The following AUTS2 variants were observed in gnomAD, a reference collection of about 807,000 sequenced individuals.
The protein encoded by AUTS2 is activator of transcription and developmental regulator AUTS2, also known as autism susceptibility gene 2 protein.
Under a neutral mutation model 112.4 loss-of-function variants are expected in AUTS2, and 17 were observed. The observed-to-expected ratio is 0.15, with a 90% CI of 0.10 to 0.23. The LOEUF (loss-of-function observed/expected upper bound fraction) is 0.23, where lower values mean the gene tolerates loss of function less well. Among genes scored for constraint, AUTS2 ranks in the 10% least tolerant of loss-of-function variants. AUTS2 has a pLI of 1.00. For missense variants in AUTS2, 1,510 were observed against 1,701.6 expected, an observed-to-expected ratio of 0.89 and a Z score of 1.98; for synonymous variants, 751 against 702.7, an observed-to-expected ratio of 1.07 and a Z score of -1.09.
At chr7:69,925,416 C>T (rs189685405) in intron 2 of AUTS2, among the ~76,000 whole-genome samples, 2 of 152,282 alleles carry the variant, frequency 1.3e-5, no homozygotes, top group Admixed American at 6.5e-5. Flanking sequence ...TTTAGCAGCA[C>T]CCCAAATATT....
intron 5 of AUTS2, among the ~76,000 whole-genome samples, chr7:70,697,564 C>CG (rs917889853): frequency 5.7e-5 from 8 of 139,576 alleles, no homozygotes; most frequent in Admixed American, 4.3e-4. Flanking sequence ...CAGAATTCCC[C>CG]CCCCCCATTT....
Position 70,033,817 on chromosome 7 carries a change from A to T in AUTS2, c.523-84315A>T, listed in dbSNP as rs1298037642. 7.9e-5 allele frequency among the ~76,000 whole-genome samples: 12 copies of T among 151,840 alleles called. No individual in the cohort carries two copies. In the South Asian group the frequency reaches 2.5e-3, roughly 32 times the overall value. On this transcript the variant is annotated intron_variant, in intron 2 of 18. Transcript: ENST00000342771. ...GGTTATTCAAAGTTGGGAGACGTGGAGGGGCGGGGAGGATAGGGAGAATTG... is the reference window on the plus strand; with the variant it reads ...GGTTATTCAAAGTTGGGAGACGTGGTGGGGCGGGGAGGATAGGGAGAATTG...
chr7:69,764,976 C>T (rs983365928), intron 1 of AUTS2, among the ~76,000 whole-genome samples: 3 of 152,060 alleles, frequency 2.0e-5, no homozygotes, highest in East Asian at 3.8e-4. Flanking sequence ...AGGCTACCCA[C>T]GTGAGTACGT....
At chr7:69,639,656 G>A (rs1378768901) in intron 1 of AUTS2, among the ~76,000 whole-genome samples, 1 of 152,194 alleles carries the variant, frequency 6.6e-6, no homozygotes, top group Non-Finnish European at 1.5e-5. Context: ...GTGCCCAAGG[G>A]CACCTAAAGG....
At position 70,787,471 on chromosome 7, in the gene AUTS2, C is replaced by A. The variant is rs755097860; in HGVS notation, c.2531+40C>A. ...CGCTCTCGAGTCCCCACGGGGGAGC[C>A]TGCTCTATGCCAAGTACCAGTGGAA... On this transcript the variant is annotated intron_variant, in intron 18 of 18. Transcript: ENST00000342771. 3 of 1,425,264 alleles carry A rather than the reference C, an allele frequency of 2.1e-6. No homozygotes were observed. In the African/African-American group the frequency reaches 4.3e-5, roughly 20 times the overall value. 88.3% of individuals were successfully genotyped at this position (1,425,264 alleles called of 1,614,324 possible). A position where few individuals can be genotyped will look rare whatever the true frequency, so the allele number is the denominator to read the frequency against.
At chr7:69,894,829 A>G (rs1794678488) in intron 1 of AUTS2, among the ~76,000 whole-genome samples, 1 of 152,130 alleles carries the variant, frequency 6.6e-6, no homozygotes, top group South Asian at 2.1e-4. Flanking sequence ...TCATTTGCTC[A>G]TGCTTTCCTT....
chr7:70,217,238 C>T (rs908852560), intron 4 of AUTS2, among the ~76,000 whole-genome samples: 2 of 152,196 alleles, frequency 1.3e-5, no homozygotes, highest in Non-Finnish European at 2.9e-5. Flanking sequence ...TGAGCATTCA[C>T]AGATGTTCCT....
chr7:70,745,184 T>G (rs980215112), intron 6 of AUTS2, among the ~76,000 whole-genome samples: 1 of 152,214 alleles, frequency 6.6e-6, no homozygotes, highest in African/African-American at 2.4e-5. Flanking sequence ...ATTTTTATTG[T>G]GTCAAGACAA....
chr7:70,697,565 C>CCA lies in AUTS2; in HGVS notation c.691-1003_691-1002insAC, dbSNP rs1554464420. ...AATATGCTGCACTTCAGAATTCCCC[C>CCA]CCCCCATTTCCTATATTTCCTTTTT... On this transcript the variant is annotated intron_variant, in intron 5 of 18. Coordinates refer to ENST00000342771, the MANE Select transcript of AUTS2 (RefSeq NM_015570.4). Among the ~76,000 whole-genome samples, 322 of 141,258 alleles carry CCA rather than the reference C, an allele frequency of 2.3e-3. 2 individuals carry two copies. Among genetic ancestry groups the CCA allele is most frequent in the African/African-American group, 7.7e-3 (302 of 39,248 alleles). 92.7% of individuals were successfully genotyped at this position (141,258 alleles called of 152,430 possible).
At chr7:70,525,210 A>G (rs1799792918) in intron 5 of AUTS2, among the ~76,000 whole-genome samples, 1 of 152,198 alleles carries the variant, frequency 6.6e-6, no homozygotes, top group South Asian at 2.1e-4. Context: ...CAGTTCTGCT[A>G]GTGGAAGATT....
chr7:69,619,259 A>C (rs1793538293), intron 1 of AUTS2, among the ~76,000 whole-genome samples: 1 of 152,164 alleles, frequency 6.6e-6, no homozygotes, highest in South Asian at 2.1e-4. Context: ...ATTCATTACA[A>C]AGCATAAGCA....
At chr7:70,239,107 G>A (rs1472522306) in intron 4 of AUTS2, among the ~76,000 whole-genome samples, 1 of 151,998 alleles carries the variant, frequency 6.6e-6, no homozygotes, top group African/African-American at 2.4e-5. Flanking sequence ...CTTCTTCTGG[G>A]CTCCTGATTT....
intron 5 of AUTS2, among the ~76,000 whole-genome samples, chr7:70,517,746 C>T (rs1026595946): frequency 2.6e-5 from 4 of 151,796 alleles, no homozygotes; most frequent in Admixed American, 2.6e-4. Context: ...TGAATACACA[C>T]ACACACGATT....
At chr7:70,003,153 TTA>T (rs1799277723) in intron 2 of AUTS2, among the ~76,000 whole-genome samples, 2 of 140,544 alleles carry the variant, frequency 1.4e-5, no homozygotes, top group Admixed American at 7.7e-5. Flanking sequence ...TATGACTATA[TTA>T]TATATATTCA....
chr7:69,815,904 ACTT>A (rs1161816217), intron 1 of AUTS2, among the ~76,000 whole-genome samples: 1 of 152,182 alleles, frequency 6.6e-6, no homozygotes, highest in African/African-American at 2.4e-5. Context: ...ATCTTTGACT[ACTT>A]CACGCTGTTT....
Position 70,022,417 on chromosome 7 carries a change from T to A in AUTS2, c.523-95715T>A, listed in dbSNP as rs573657404. ...CTCACTGCAACCTGTCCCTCTTGGGTTCAAGCCATTCTCCTGCCTTAGCCC... is the reference window on the plus strand; with the variant it reads ...CTCACTGCAACCTGTCCCTCTTGGGATCAAGCCATTCTCCTGCCTTAGCCC... On this transcript the variant is annotated intron_variant, in intron 2 of 18. Coordinates refer to ENST00000342771, the MANE Select transcript of AUTS2 (RefSeq NM_015570.4). 2.2e-4 allele frequency among the ~76,000 whole-genome samples: 33 copies of A among 151,326 alleles called. No homozygotes were observed. In the South Asian group the frequency reaches 7.0e-3, roughly 32 times the overall value.
chr7:69,904,560 C>T (rs1795083957), intron 2 of AUTS2, among the ~76,000 whole-genome samples: 1 of 152,182 alleles, frequency 6.6e-6, no homozygotes, highest in Non-Finnish European at 1.5e-5. Context: ...GCTATGTGCT[C>T]TTTCATACAT....
intron 1 of AUTS2, among the ~76,000 whole-genome samples, chr7:69,635,437 T>TGATA (rs1794473031): frequency 6.6e-6 from 1 of 152,226 alleles, no homozygotes; most frequent in Non-Finnish European, 1.5e-5. Flanking sequence ...CCTAGACTGG[T>TGATA]GATACATCAT....
chr7:70,002,257 C>T (rs1799233079), intron 2 of AUTS2, among the ~76,000 whole-genome samples: 2 of 152,116 alleles, frequency 1.3e-5, no homozygotes, highest in Admixed American at 6.5e-5. Flanking sequence ...AATTTTTGGT[C>T]TGCTCTCCCA....
Sources: allele counts gnomAD v4.1 joint callset (sites outside exome capture counted in the v4.1 genomes callset), GRCh38; gene constraint gnomAD v4.1.1; transcripts MANE v1.5; gene names NCBI Gene and HGNC (gene_info 2026-07-23, HGNC 2026-07-21).